Variants in EFL1 observed in about 807,000 individuals in gnomAD.
The protein encoded by EFL1 is elongation factor like GTPase 1.
A neutral mutation model predicts 126.7 loss-of-function variants in EFL1; 76 were observed. That is an observed-to-expected ratio of 0.60 (90% CI 0.50 to 0.73). The LOEUF is 0.73. EFL1 is among the 30% of genes least tolerant of loss of function. The pLI is 0.00. For synonymous variants in EFL1, 410 were observed against 448.4 expected, an observed-to-expected ratio of 0.91 and a Z score of 1.08; for missense variants, 1,128 against 1,343.2, an observed-to-expected ratio of 0.84 and a Z score of 2.50.
chr15:82,213,004 C>T (rs1270078035), intron 15 of EFL1, among the ~76,000 whole-genome samples: 1 of 152,174 alleles, frequency 6.6e-6, no homozygotes, highest in Non-Finnish European at 1.5e-5. Context: ...CATGCTGAGC[C>T]ACTGGCTCCC....
chr15:82,180,148 A>C (rs149883873), intron 15 of EFL1, among the ~76,000 whole-genome samples: 2 of 152,148 alleles, frequency 1.3e-5, no homozygotes, highest in East Asian at 3.9e-4. Flanking sequence ...ACCTCCAGCT[A>C]TGCTATCTTC....
In EFL1 at chr15:82,163,918, G is replaced by A; in HGVS notation, c.1817C>T (p.Pro606Leu). The A allele has an allele frequency of 1.2e-6, 2 of 1,614,124 alleles. No individual in the cohort carries two copies. The highest frequency in any genetic ancestry group is 1.7e-6 in the Non-Finnish European group (2 of 1,180,002). ...GGCTTCGAAGTTGAGTGGTATAAAT[G>A]GTGGGCAGGATGGCAGGCTACACAG... is the stretch of plus-strand genomic sequence containing the variant. ...ATLCSLPSCP[P>L]FIPLNFEATP... Residue 606 changes from proline (P) to leucine (L), a missense_variant, in exon 16 of 20, where the codon CCA (proline) becomes CTA (leucine). Pro to Leu is a moderately conservative substitution (Grantham distance 98, BLOSUM62 -3). This residue lies in a region of EFL1 where 561 missense variants were observed against 641.7 expected (regional missense o/e 0.87). Transcript: ENST00000268206.
At position 82,182,698 on chromosome 15, in the gene EFL1, G is replaced by A. The variant is rs188197892; in HGVS notation, c.1751-18714C>T. On this transcript the variant is annotated intron_variant, in intron 15 of 19. Transcript: ENST00000268206. ...AAATTAGCCGGGCGTGGTGGTGGGC[G>A]CCTGTAGTCCCAGCTACTCGGGAGT... 6.9e-3 allele frequency among the ~76,000 whole-genome samples: 1,050 copies of A among 152,044 alleles called. 10 individuals carry two copies. Among genetic ancestry groups the A allele is most frequent in the Non-Finnish European group, 8.1e-3 (554 of 67,978 alleles).
intron 15 of EFL1, among the ~76,000 whole-genome samples, chr15:82,209,663 T>G (rs993324695): frequency 6.6e-6 from 1 of 152,238 alleles, no homozygotes; most frequent in Non-Finnish European, 1.5e-5. Context: ...TATTGTGTGC[T>G]AAACATGGTG....
chr15:82,261,640 C>T (rs1258949605), intron 2 of EFL1, 48 bp downstream of exon 2: 1 of 1,547,226 alleles, frequency 6.5e-7, no homozygotes, highest in African/African-American at 1.4e-5. Context: ...CATACAGAGA[C>T]ACATCTCCCT....
At chr15:82,167,009 G>A (rs554545175) in intron 15 of EFL1, among the ~76,000 whole-genome samples, 124 of 152,268 alleles carry the variant, frequency 8.1e-4, no homozygotes, top group Non-Finnish European at 1.5e-3. Flanking sequence ...GTGATAGCAC[G>A]GGGGAATAAA....
At position 82,180,377 on chromosome 15, in the gene EFL1, A is replaced by C. The variant is rs536498864; in HGVS notation, c.1751-16393T>G. On this transcript the variant is annotated intron_variant, in intron 15 of 19. Coordinates refer to ENST00000268206, the MANE Select transcript of EFL1 (RefSeq NM_024580.6). The stretch of plus-strand genomic sequence containing the variant: ...AAACTGGCAAAAAAAAAAAAACAAA[A>C]AAAAAACAAACAAAAAAAACCAGCC... Among the ~76,000 whole-genome samples, 945 of 146,730 alleles carry C rather than the reference A, an allele frequency of 6.4e-3. 10 individuals carry two copies. Among genetic ancestry groups the C allele is most frequent in the Non-Finnish European group, 8.1e-3 (545 of 67,676 alleles).
intron 15 of EFL1, among the ~76,000 whole-genome samples, chr15:82,182,164 C>T (rs2074258165): frequency 6.6e-6 from 1 of 152,086 alleles, no homozygotes; most frequent in Non-Finnish European, 1.5e-5. Flanking sequence ...GGCTGAGGCA[C>T]AAGAATCGCT....
chr15:82,208,445 A>G (rs1257028855), intron 15 of EFL1, among the ~76,000 whole-genome samples: 1 of 152,216 alleles, frequency 6.6e-6, no homozygotes, highest in Non-Finnish European at 1.5e-5. Context: ...AATTTAAGTA[A>G]GTGAATGTAC....
At chr15:82,260,009 T>C (rs1425674882) in intron 2 of EFL1, among the ~76,000 whole-genome samples, 2 of 152,150 alleles carry the variant, frequency 1.3e-5, no homozygotes, top group African/African-American at 4.8e-5. Context: ...ACCAAGTATA[T>C]ACCTCCCTAG....
intron 15 of EFL1, among the ~76,000 whole-genome samples, chr15:82,202,120 T>A (rs1210334543): frequency 6.6e-6 from 1 of 152,226 alleles, no homozygotes; most frequent in Non-Finnish European, 1.5e-5. Flanking sequence ...AAGTTTTGAA[T>A]CTTTGCAACA....
rs1246822842 is a variant in EFL1, at chr15:82,262,705, A to T, written c.-111T>A. On this transcript the variant is annotated 5_prime_UTR_variant, in exon 1 of 20. Transcript: ENST00000268206. ...AGTCCGAGAGCTCTGCGGGTCCGAC[A>T]CGCCCGCGCGCCAGGGGGCGGGGCC... 2 of 703,050 alleles carry T rather than the reference A, an allele frequency of 2.8e-6. No homozygotes were observed. The highest frequency in any genetic ancestry group is 4.5e-6 in the Non-Finnish European group (2 of 442,576). 43.6% of individuals were successfully genotyped at this position (703,050 alleles called of 1,614,324 possible). A position where few individuals can be genotyped will look rare whatever the true frequency, so the allele number is the denominator to read the frequency against.
rs1319524102 is a variant in EFL1, at chr15:82,152,226, G to T, written c.2228C>A (p.Thr743Lys). Reference protein sequence around the residue: ...QVDSDGLITITTPNKLATLSV... With the variant: ...QVDSDGLITIKTPNKLATLSV... Reference sequence around the variant, plus strand: ...GAGCGTGGCAAGTTTATTGGGAGTTGTTATGGTGATTAGCCCGTCAGAGTC... The same window carrying T: ...GAGCGTGGCAAGTTTATTGGGAGTTTTTATGGTGATTAGCCCGTCAGAGTC... Residue 743 changes from threonine (T) to lysine (K), a missense_variant, in exon 18 of 20, where the codon ACA (threonine) becomes AAA (lysine). Physicochemically the swap from Thr to Lys is moderately conservative, Grantham distance 78 (BLOSUM62 -1). Transcript: ENST00000268206. 7 of 1,614,166 alleles carry T rather than the reference G, an allele frequency of 4.3e-6. No individual in the cohort carries two copies. Among genetic ancestry groups the T allele is most frequent in the Non-Finnish European group, 5.9e-6 (7 of 1,180,038 alleles).
intron 16 of EFL1, among the ~76,000 whole-genome samples, chr15:82,162,030 CACTCTAAG>C (rs1295396950): frequency 2.4e-4 from 37 of 152,312 alleles, no homozygotes; most frequent in African/African-American, 8.7e-4. Flanking sequence ...GTAATCCCAG[CACTCTAAG>C]AGGCTGAGGT....
chr15:82,196,051 G>A (rs748738995), intron 15 of EFL1, among the ~76,000 whole-genome samples: 19 of 152,148 alleles, frequency 1.2e-4, no homozygotes, highest in Non-Finnish European at 2.6e-4. Flanking sequence ...GAGGAGAAGA[G>A]ACAGCGTGTA....
intron 4 of EFL1, among the ~76,000 whole-genome samples, chr15:82,248,771 A>G (rs1452017180): frequency 6.6e-6 from 1 of 151,910 alleles, no homozygotes; most frequent in East Asian, 1.9e-4. Context: ...TGTTTTCCAT[A>G]TGGTGTTTTA....
intron 17 of EFL1, among the ~76,000 whole-genome samples, chr15:82,152,774 T>C (rs1266136735): frequency 2.0e-5 from 3 of 152,176 alleles, no homozygotes; most frequent in Non-Finnish European, 4.4e-5. Context: ...TAAAACAGTA[T>C]TTGCCCATCT....
intron 14 of EFL1, among the ~76,000 whole-genome samples, chr15:82,218,274 G>A (rs1434316731): frequency 6.6e-6 from 1 of 152,144 alleles, no homozygotes; most frequent in Non-Finnish European, 1.5e-5. Context: ...ATTCTGGGTA[G>A]GGGTTACTTT....
chr15:82,134,700 G>A (rs184067765), intron 19 of EFL1, among the ~76,000 whole-genome samples: 134 of 152,310 alleles, frequency 8.8e-4, no homozygotes, highest in Middle Eastern at 3.4e-3. Context: ...AGTAATAAGC[G>A]ATGAATCTTG....
Sources: gnomAD v4.1 joint callset for allele counts (sites outside exome capture counted in the v4.1 genomes callset) on GRCh38, gnomAD v4.1.1 for gene constraint, gnomAD v4.1.1 regional missense constraint, MANE v1.5 for transcripts, NCBI Gene and HGNC (gene_info 2026-07-23, HGNC 2026-07-21) for gene names.